The following GLB1L3 variants were observed in gnomAD, a reference collection of about 807,000 sequenced individuals.
GLB1L3 encodes galactosidase beta 1 like 3.
A neutral mutation model predicts 89.5 loss-of-function variants in GLB1L3; 89 were observed. The ratio of observed to expected loss-of-function variants is 0.99; its 90% CI spans 0.84 to 1.19. The LOEUF (loss-of-function observed/expected upper bound fraction) is 1.19. GLB1L3 is among the 50% of genes most tolerant of loss of function. GLB1L3 has a pLI of 0.00. For missense variants in GLB1L3, 812 were observed against 813.3 expected, an observed-to-expected ratio of 1.00 and a Z score of 0.02; for synonymous variants, 314 against 312.3, an observed-to-expected ratio of 1.01 and a Z score of -0.06.
intron 3 of GLB1L3, 115 bp downstream of exon 3, chr11:134,278,027 G>A (rs1221138166): frequency 1.1e-6 from 1 of 916,674 alleles, no homozygotes; most frequent in African/African-American, 1.7e-5. Flanking sequence ...CCGCACAGTC[G>A]TTTCCAGCAC....
At chr11:134,294,673 T>C (rs927961747) in intron 9 of GLB1L3, among the ~76,000 whole-genome samples, 2 of 152,238 alleles carry the variant, frequency 1.3e-5, no homozygotes, top group African/African-American at 4.8e-5. Context: ...CAGCCACCAG[T>C]CTTCTTTCCA....
At position 134,291,484 on chromosome 11, in the gene GLB1L3, G is replaced by C. The variant is rs543881146; in HGVS notation, c.730-648G>C. ...TGGTCTCAAACTCTTGACCTCAAAT[G>C]ATCTGCCTGCCTTGACCTCCCAAAG... On this transcript the variant is annotated intron_variant, in intron 7 of 19. Transcript: ENST00000431683. Among the ~76,000 whole-genome samples the C allele has an allele frequency of 2.0e-5, 3 of 152,174 alleles. No individual in the cohort carries two copies. The East Asian group carries it at 5.8e-4, about 29-fold the overall frequency.
intron 9 of GLB1L3, chr11:134,305,248 C>T: frequency 1.3e-6 from 1 of 742,374 alleles, no homozygotes. Context: ...ATGTAAAGTG[C>T]ATTCCCTTCA....
downstream of GLB1L3, among the ~76,000 whole-genome samples, chr11:134,322,758 A>T (rs919894657): frequency 2.6e-5 from 4 of 152,178 alleles, no homozygotes; most frequent in Non-Finnish European, 5.9e-5. Context: ...ATCCTTTTTC[A>T]TGGCTGAATA....
chr11:134,283,682 C>T, intron 5 of GLB1L3, 55 bp from the exon 6 acceptor site: 1 of 1,031,088 alleles, frequency 9.7e-7, no homozygotes, highest in Non-Finnish European at 1.5e-6. Context: ...GAGCCCACTC[C>T]TGCTTCCCTC....
chr11:134,313,559 G>T, intron 16 of GLB1L3, 85 bp downstream of exon 16: 1 of 1,101,922 alleles, frequency 9.1e-7, no homozygotes, highest in Admixed American at 2.0e-5. Context: ...GAGAGGGTGG[G>T]GAAACCAGCC....
chr11:134,321,754 C>T (rs1045430718), downstream of GLB1L3, among the ~76,000 whole-genome samples: 1 of 152,034 alleles, frequency 6.6e-6, no homozygotes, highest in African/African-American at 2.4e-5. Context: ...GAACATCACA[C>T]ACTGGGGCCT....
At chr11:134,293,962 A>G (rs886575171) in intron 9 of GLB1L3, among the ~76,000 whole-genome samples, 38 of 151,902 alleles carry the variant, frequency 2.5e-4, no homozygotes, top group Non-Finnish European at 4.4e-4. Flanking sequence ...ATTCCAGCAC[A>G]CTGCAGCCCC....
At chr11:134,282,198 C>A in intron 5 of GLB1L3, 78 bp downstream of exon 5, 1 of 1,440,092 alleles carries the variant, frequency 6.9e-7, no homozygotes, top group East Asian at 2.6e-5. Flanking sequence ...AAGCTAGTAA[C>A]AAGGAAAGTA....
intron 10 of GLB1L3, among the ~76,000 whole-genome samples, chr11:134,308,302 C>T (rs867488065): frequency 1.1e-4 from 3 of 27,438 alleles, no homozygotes; most frequent in Middle Eastern, 0.018. Context: ...ACCACCACCA[C>T]CACCACCACT....
chr11:134,308,285 TACCACCACCACC>T (rs747748023), intron 10 of GLB1L3, among the ~76,000 whole-genome samples: 2 of 20,918 alleles, frequency 9.6e-5, no homozygotes, highest in Non-Finnish European at 9.4e-5. Flanking sequence ...CACCACCAAA[TACCACCACCACC>T]ACCACCACCA....
chr11:134,287,811 G>A (rs1205574071), intron 6 of GLB1L3, among the ~76,000 whole-genome samples: 2 of 152,232 alleles, frequency 1.3e-5, no homozygotes, highest in Non-Finnish European at 2.9e-5. Context: ...GGCAGAGGGT[G>A]AGGCGGGAAG....
In GLB1L3 at chr11:134,292,215, T is replaced by A; in HGVS notation, c.811+2T>A. 6.2e-7 allele frequency: 1 copy of A among 1,608,864 alleles called. No homozygotes were observed. The highest frequency in any genetic ancestry group is 8.5e-7 in the Non-Finnish European group (1 of 1,175,842). ...TGCTGAGTGGCCACACCAAAGGAGG[T>A]ACACATTTAGAGTTAGTTCACAGGA... On this transcript the variant is annotated splice_donor_variant, in intron 8 of 19. Transcript: ENST00000431683. LOFTEE classifies it high-confidence loss of function.
At chr11:134,286,645 C>T (rs1020901234) in intron 6 of GLB1L3, among the ~76,000 whole-genome samples, 5 of 151,074 alleles carry the variant, frequency 3.3e-5, no homozygotes, top group South Asian at 4.2e-4. Flanking sequence ...GGCGTGGTGG[C>T]GGGCGCCTGT....
rs140860488 is a variant in GLB1L3, at chr11:134,282,316, A to G, written c.527+196A>G. Among the ~76,000 whole-genome samples, 1,073 of 152,192 alleles carry G rather than the reference A, an allele frequency of 7.1e-3. 15 individuals are homozygous for G. The highest frequency in any genetic ancestry group is 0.023 in the African/African-American group (974 of 41,532). On this transcript the variant is annotated intron_variant, in intron 5 of 19. Coordinates refer to ENST00000431683, the MANE Select transcript of GLB1L3 (RefSeq NM_001080407.3). The stretch of plus-strand genomic sequence containing the variant: ...ACTGCGGTGGCGGGGGGCGGGGTGC[A>G]GTTGTCATCCCCGATTCACAGATGA...
chr11:134,308,297 CACCACCACCACCACT>C (rs1942380792), intron 10 of GLB1L3, among the ~76,000 whole-genome samples: 1 of 49,128 alleles, frequency 2.0e-5, no homozygotes, highest in Non-Finnish European at 4.0e-5. Flanking sequence ...CCACCACCAC[CACCACCACCACCACT>C]ACCACCACCA....
chr11:134,282,852 C>T (rs1375806702), intron 5 of GLB1L3, among the ~76,000 whole-genome samples: 1 of 152,178 alleles, frequency 6.6e-6, no homozygotes, highest in Admixed American at 6.5e-5. Context: ...CTTTGCTTTT[C>T]TCCAGGGGCA....
rs1194236290 is a variant in GLB1L3, at chr11:134,318,962, T to TC, written c.*20_*21insC. On this transcript the variant is annotated 3_prime_UTR_variant, in exon 20 of 20. Coordinates refer to ENST00000431683, the MANE Select transcript of GLB1L3 (RefSeq NM_001080407.3). The stretch of plus-strand genomic sequence containing the variant: ...CTGTAAAACTGTGTCTGAACATTTT[T>TC]TTTTTTTTTTGAGATGGAGTCTCAC... 1 of 1,602,240 alleles carries TC rather than the reference T, an allele frequency of 6.2e-7. No individual in the cohort carries two copies. The highest frequency in any genetic ancestry group is 8.5e-7 in the Non-Finnish European group (1 of 1,171,848).
downstream of GLB1L3, among the ~76,000 whole-genome samples, chr11:134,322,781 A>G (rs1041693987): frequency 6.6e-6 from 1 of 152,168 alleles, no homozygotes; most frequent in African/African-American, 2.4e-5. Flanking sequence ...GTTCCATTGT[A>G]TGGATACATA....
Sources: allele counts gnomAD v4.1 joint callset (sites outside exome capture counted in the v4.1 genomes callset), GRCh38; gene constraint gnomAD v4.1.1; transcripts MANE v1.5; gene names NCBI Gene and HGNC (gene_info 2026-07-23, HGNC 2026-07-21).